Variants in RBFOX1 observed in about 807,000 individuals in gnomAD.
RBFOX1 encodes RNA binding protein fox-1 homolog 1.
A neutral mutation model predicts 57.7 loss-of-function variants in RBFOX1; 8 were observed. The ratio of observed to expected loss-of-function variants is 0.14; its 90% CI spans 0.08 to 0.25. RBFOX1 has a LOEUF of 0.25. Ranked by LOEUF, RBFOX1 falls within the 10% of genes least tolerant of loss-of-function variation. The pLI, the probability that RBFOX1 is intolerant of heterozygous loss-of-function variation, is 1.00. For synonymous variants in RBFOX1, 326 were observed against 222.4 expected, an observed-to-expected ratio of 1.47 and a Z score of -4.15; for missense variants, 611 against 548.5, an observed-to-expected ratio of 1.11 and a Z score of -1.14.
intron 4 of RBFOX1, among the ~76,000 whole-genome samples, chr16:7,343,034 C>A (rs1021538252): frequency 1.3e-5 from 2 of 152,038 alleles, no homozygotes; most frequent in Admixed American, 6.6e-5. Context: ...GGAGGGTGGA[C>A]TTTGTAGGGG....
At chr16:6,381,729 C>T (rs538002830) in intron 2 of RBFOX1, among the ~76,000 whole-genome samples, 6 of 152,304 alleles carry the variant, frequency 3.9e-5, no homozygotes, top group South Asian at 2.1e-4. Context: ...GGCATTGGGC[C>T]GATGTATGCC....
At chr16:6,818,155 T>C (rs1193564010) in intron 3 of RBFOX1, among the ~76,000 whole-genome samples, 2 of 152,102 alleles carry the variant, frequency 1.3e-5, no homozygotes, top group Non-Finnish European at 2.9e-5. Flanking sequence ...TCTGGTAGAG[T>C]ACCAGGCATA....
chr16:6,418,519 A>ATTTTTTTTT (rs567448072), intron 2 of RBFOX1, among the ~76,000 whole-genome samples: 4 of 100,958 alleles, frequency 4.0e-5, no homozygotes, highest in African/African-American at 4.0e-5. Context: ...TGCAAGCCTT[A>ATTTTTTTTT]TTTTTTTTTT....
intron 3 of RBFOX1, among the ~76,000 whole-genome samples, chr16:6,896,661 A>G (rs944643135): frequency 1.3e-5 from 2 of 152,204 alleles, no homozygotes; most frequent in Middle Eastern, 3.2e-3. Flanking sequence ...GTGCTTGGGC[A>G]TCATCAACGC....
intron 4 of RBFOX1, among the ~76,000 whole-genome samples, chr16:7,088,651 A>C (rs2060346410): frequency 6.6e-6 from 1 of 152,218 alleles, no homozygotes; most frequent in East Asian, 1.9e-4. Flanking sequence ...GTAATCTAGC[A>C]TGAATGGTTT....
chr16:6,506,796 A>G lies in RBFOX1; in HGVS notation c.-63-147807A>G, dbSNP rs556332091. ...CAAGAAGCTGGGATTACAGGCACCA[A>G]CCACCATGCCTGGCTATTTTCTGTA... On this transcript the variant is annotated intron_variant, in intron 2 of 15. Transcript: ENST00000550418. Among the ~76,000 whole-genome samples, 7 of 151,956 alleles carry G rather than the reference A, an allele frequency of 4.6e-5. No homozygotes were observed. The East Asian group carries it at 1.4e-3, about 30-fold the overall frequency.
At chr16:5,971,786 G>A (rs1453494035) in intron 4 of RBFOX1, among the ~76,000 whole-genome samples, 1 of 152,204 alleles carries the variant, frequency 6.6e-6, no homozygotes. Context: ...ACTAGGCCAT[G>A]GGGTGCCCAG....
At chr16:7,312,868 T>A (rs1367149733) in intron 4 of RBFOX1, among the ~76,000 whole-genome samples, 2 of 151,914 alleles carry the variant, frequency 1.3e-5, no homozygotes, top group African/African-American at 4.8e-5. Flanking sequence ...CCTGCTAAAG[T>A]GTAGATCGTC....
chr16:6,958,089 A>T (rs147593299), intron 3 of RBFOX1, among the ~76,000 whole-genome samples: 15 of 150,856 alleles, frequency 9.9e-5, no homozygotes, highest in South Asian at 2.1e-4. Context: ...TGTTAAAGGC[A>T]GCGGCTTGTG....
intron 2 of RBFOX1, among the ~76,000 whole-genome samples, chr16:6,502,027 G>A (rs541770872): frequency 1.3e-5 from 2 of 152,158 alleles, no homozygotes; most frequent in African/African-American, 2.4e-5. Flanking sequence ...GCCTGCTTAG[G>A]GGGGTCATGA....
intron 3 of RBFOX1, among the ~76,000 whole-genome samples, chr16:6,700,665 T>C (rs71374907): frequency 0.049 from 7,460 of 151,970 alleles, 240 homozygotes; most frequent in Non-Finnish European, 0.073. Context: ...TCTCAAAAAA[T>C]AATAATAATA....
intron 2 of RBFOX1, among the ~76,000 whole-genome samples, chr16:5,574,583 TTTTG>T (rs956415831): frequency 5.3e-5 from 8 of 152,060 alleles, no homozygotes; most frequent in South Asian, 4.2e-4. Flanking sequence ...CCCAGCAATT[TTTTG>T]TTTGTTTGTT....
intron 2 of RBFOX1, among the ~76,000 whole-genome samples, chr16:5,503,696 G>A (rs991761948): frequency 6.6e-6 from 1 of 152,032 alleles, no homozygotes; most frequent in Non-Finnish European, 1.5e-5. Context: ...CATCTGCCTC[G>A]GCCTCCCAAA....
intron 3 of RBFOX1, among the ~76,000 whole-genome samples, chr16:6,738,207 A>G (rs1022168095): frequency 6.6e-6 from 1 of 152,190 alleles, no homozygotes; most frequent in Non-Finnish European, 1.5e-5. Flanking sequence ...ATAACACTGT[A>G]CATCAAATAG....
chr16:7,103,861 T>C (rs1316192222), intron 4 of RBFOX1, among the ~76,000 whole-genome samples: 1 of 152,166 alleles, frequency 6.6e-6, no homozygotes, highest in East Asian at 1.9e-4. Context: ...TATTACCTAG[T>C]GATACCATTT....
intron 2 of RBFOX1, among the ~76,000 whole-genome samples, chr16:6,623,979 A>G (rs1330167253): frequency 6.6e-6 from 1 of 152,174 alleles, no homozygotes; most frequent in African/African-American, 2.4e-5. Context: ...TGCTGGGTCA[A>G]ATGGTATTTC....
At chr16:7,368,301 G>A (rs980863913) in intron 4 of RBFOX1, among the ~76,000 whole-genome samples, 2 of 151,200 alleles carry the variant, frequency 1.3e-5, no homozygotes, top group African/African-American at 4.9e-5. Context: ...AAGGCCGTAA[G>A]TATTTTTCAA....
At chr16:5,842,244 C>T (rs1177828765) in intron 3 of RBFOX1, among the ~76,000 whole-genome samples, 2 of 152,106 alleles carry the variant, frequency 1.3e-5, no homozygotes, top group Admixed American at 1.3e-4. Flanking sequence ...GATGATTTTC[C>T]TAGTGAGATG....
chr16:7,499,924 G>C (rs1234582844), intron 4 of RBFOX1, among the ~76,000 whole-genome samples: 1 of 151,404 alleles, frequency 6.6e-6, no homozygotes, highest in African/African-American at 2.4e-5. Context: ...TCACTGCTGT[G>C]CTTCTTCCCT....
Sources: gnomAD v4.1 joint callset for allele counts (sites outside exome capture counted in the v4.1 genomes callset) on GRCh38, gnomAD v4.1.1 for gene constraint, MANE v1.5 for transcripts, NCBI Gene and HGNC (gene_info 2026-07-23, HGNC 2026-07-21) for gene names.